Variants in ANKS6 observed in about 807,000 individuals in gnomAD.
ANKS6 encodes ankyrin repeat and SAM domain-containing protein 6.
In ANKS6, 47 loss-of-function variants were observed where a neutral mutation model predicts 77.9. That is an observed-to-expected ratio of 0.60 (90% CI 0.48 to 0.77). The LOEUF is 0.77. Ranked by LOEUF, ANKS6 falls within the 30% of genes least tolerant of loss-of-function variation. ANKS6 has a pLI of 0.00. For synonymous variants in ANKS6, 488 were observed against 501.7 expected, an observed-to-expected ratio of 0.97 and a Z score of 0.37; for missense variants, 1,150 against 1,159.1, an observed-to-expected ratio of 0.99 and a Z score of 0.11.
rs1683788172 is a variant in ANKS6, at chr9:98,777,412, G to A, written c.1610C>T (p.Thr537Ile). 1 of 1,614,066 alleles carries A rather than the reference G, an allele frequency of 6.2e-7. No individual in the cohort carries two copies. The highest frequency in any genetic ancestry group is 8.5e-7 in the Non-Finnish European group (1 of 1,180,054). Residue 537 changes from threonine to isoleucine, a missense_variant, in exon 8 of 15, where the codon ACA (threonine) becomes ATA (isoleucine). Coordinates refer to ENST00000353234, the MANE Select transcript of ANKS6 (RefSeq NM_173551.5). ...GAAAAGCCCCACACTCACCATGGTT[G>A]TCAATAACGTGTCTTCCTTTTCTCC... ...TRGEKEDTLL[T>I]TMLRNGAPLT... is the part of the protein sequence containing the mutation.
intron 14 of ANKS6, among the ~76,000 whole-genome samples, chr9:98,738,580 A>T (rs1213776710): frequency 7.3e-5 from 11 of 149,864 alleles, no homozygotes; most frequent in Non-Finnish European, 1.2e-4. Context: ...AAAAAATAAA[A>T]TAAAAAAAAA....
Position 98,784,116 on chromosome 9 carries a change from T to C in ANKS6, c.949A>G (p.Ser317Gly). 1 of 1,569,172 alleles carries C rather than the reference T, an allele frequency of 6.4e-7. No individual in the cohort carries two copies. The highest frequency in any genetic ancestry group is 8.7e-7 in the Non-Finnish European group (1 of 1,152,444). ...LVKEIADEDPSHVNLVNGDGA... is the reference protein window; with the variant it reads ...LVKEIADEDPGHVNLVNGDGA... ...TCCCCATTGACCAAGTTCACGTGGC[T>C]GGGGTCTTCATCGGCAATCTCTTTG... Residue 317 changes from serine to glycine, a missense_variant, in exon 4 of 15, where the codon AGC becomes GGC. Coordinates refer to ENST00000353234, the MANE Select transcript of ANKS6 (RefSeq NM_173551.5).
intron 14 of ANKS6, among the ~76,000 whole-genome samples, chr9:98,739,138 T>G (rs1588314101): frequency 1.8e-4 from 23 of 127,416 alleles, no homozygotes; most frequent in African/African-American, 3.0e-4. Context: ...GGGAAGGGGG[T>G]GAGGGACAAA....
At position 98,796,475 on chromosome 9, in the gene ANKS6, A is replaced by G; in HGVS notation, c.17T>C (p.Leu6Pro). 1.0e-6 allele frequency: 1 copy of G among 991,680 alleles called. No individual in the cohort carries two copies. Among genetic ancestry groups the G allele is most frequent in the South Asian group, 4.5e-5 (1 of 22,224 alleles). The allele number at this position is 991,680 out of a possible 1,614,324, so 61.4% of individuals were successfully genotyped here. The change falls in exon 1 of 15, where the codon CTG (leucine) becomes CCG (proline). Residue 6 changes from leucine (L) to proline (P), a missense_variant. Transcript: ENST00000353234. The stretch of plus-strand genomic sequence containing the variant: ...CAGCAGCAGCTGGAAGGCCGGGGGC[A>G]GCCCGCCCTCGCCCATCGCCGCCGC... MGEGG[L>P]PPAFQLLLRA... is the part of the protein sequence containing the mutation.
At chr9:98,781,419 C>T (rs1372842415) in intron 5 of ANKS6, among the ~76,000 whole-genome samples, 1 of 152,136 alleles carries the variant, frequency 6.6e-6, no homozygotes, top group Non-Finnish European at 1.5e-5. Context: ...AGAGTGGCTG[C>T]GGACTGATTC....
intron 14 of ANKS6, among the ~76,000 whole-genome samples, chr9:98,742,729 G>T (rs1246254220): frequency 6.6e-6 from 1 of 150,598 alleles, no homozygotes; most frequent in African/African-American, 2.4e-5. Flanking sequence ...GGGCCTCTTG[G>T]TTGTGAGCTG....
At chr9:98,771,823 G>A (rs1344910924) in intron 9 of ANKS6, among the ~76,000 whole-genome samples, 1 of 152,114 alleles carries the variant, frequency 6.6e-6, no homozygotes, top group African/African-American at 2.4e-5. Context: ...CTCCCGTGTA[G>A]GGCAGGCTCC....
rs115591673 is a variant in ANKS6 at position 98,742,298 on chromosome 9, C to T, written c.2511+3261G>A. Among the ~76,000 whole-genome samples, 1,231 of 152,314 alleles carry T rather than the reference C, an allele frequency of 8.1e-3. 18 individuals carry two copies. The highest frequency in any genetic ancestry group is 0.028 in the African/African-American group (1,160 of 41,566). The stretch of plus-strand genomic sequence containing the variant: ...CCTTGATGTCAAGGTCAGGCAAGTC[C>T]AGTCTAGAATAGCCAAGGCCCAGAG... On this transcript the variant is annotated intron_variant, in intron 14 of 14. Transcript: ENST00000353234.
chr9:98,761,400 G>C (rs1832999989), intron 11 of ANKS6, among the ~76,000 whole-genome samples: 1 of 152,168 alleles, frequency 6.6e-6, no homozygotes. Flanking sequence ...CTCCCGAGTA[G>C]TTGGGACCAC....
chr9:98,740,429 G>A (rs1010107879), intron 14 of ANKS6, among the ~76,000 whole-genome samples: 2 of 152,202 alleles, frequency 1.3e-5, no homozygotes, highest in African/African-American at 4.8e-5. Flanking sequence ...CGCCAGGATC[G>A]CAGGCCCGCC....
Position 98,790,086 on chromosome 9 carries a change from G to C in ANKS6, c.862+18C>G. The C allele has an allele frequency of 6.5e-7, 1 of 1,538,730 alleles. No individual in the cohort carries two copies. The highest frequency in any genetic ancestry group is 8.8e-7 in the Non-Finnish European group (1 of 1,136,806). ...ATTTGGGGTCCTCTGTGAAGCCACG[G>C]GGGGCATGCAGCCTGACCTGTTTTG... On this transcript the variant is annotated intron_variant, in intron 2 of 14. Transcript: ENST00000353234.
intron 12 of ANKS6, 61 bp downstream of exon 12, chr9:98,756,359 T>C: frequency 6.4e-7 from 1 of 1,562,490 alleles, no homozygotes. Flanking sequence ...TTGCAGTTCC[T>C]TGCTGCCAGG....
rs1002415139 is a variant in ANKS6 at position 98,790,688 on chromosome 9, T to G, written c.360-82A>C. On this transcript the variant is annotated intron_variant, in intron 1 of 14. Transcript: ENST00000353234. ...TATGTCATCCTTAATTGGCATGAAT[T>G]ATTAGTCCTGACAGCTGCTCATGAT... is the stretch of plus-strand genomic sequence containing the variant. 3 of 1,512,378 alleles carry G rather than the reference T, an allele frequency of 2.0e-6. No individual in the cohort carries two copies. In the African/African-American group the frequency reaches 4.1e-5, roughly 21 times the overall value. The allele number at this position is 1,512,378 out of a possible 1,614,324, so 93.7% of individuals were successfully genotyped here.
At position 98,790,205 on chromosome 9, in the gene ANKS6, A is replaced by T; in HGVS notation, c.761T>A (p.Leu254His). Residue 254 changes from leucine (L) to histidine (H), a missense_variant, in exon 2 of 15, where the codon CTC becomes CAC. Coordinates refer to ENST00000353234, the MANE Select transcript of ANKS6 (RefSeq NM_173551.5). ...GAAGGCGGTCTTCTCCAGCACGCTG[A>T]GGTGGTCAGGGTTGGCGCCCTTCTC... Reference protein sequence around the residue: ...LVEKGANPDHLSVLEKTAFEV... With the variant: ...LVEKGANPDHHSVLEKTAFEV... The T allele has an allele frequency of 6.2e-7, 1 of 1,606,320 alleles. No homozygotes were observed. Among genetic ancestry groups the T allele is most frequent in the Non-Finnish European group, 8.5e-7 (1 of 1,173,822 alleles).
Position 98,737,890 on chromosome 9 carries a change from T to C in ANKS6, c.2512-1267A>G, listed in dbSNP as rs1011048325. 2.0e-5 allele frequency among the ~76,000 whole-genome samples: 3 copies of C among 152,174 alleles called. No homozygotes were observed. In the East Asian group the frequency reaches 5.8e-4, roughly 29 times the overall value. On this transcript the variant is annotated intron_variant, in intron 14 of 14. Coordinates refer to ENST00000353234, the MANE Select transcript of ANKS6 (RefSeq NM_173551.5). ...GGTACTGGTATAAAAAATAGGCACATAGACCAACGGAACAGAATAGAGAAC... is the reference window on the plus strand; with the variant it reads ...GGTACTGGTATAAAAAATAGGCACACAGACCAACGGAACAGAATAGAGAAC...
chr9:98,794,886 A>G (rs899595433), intron 1 of ANKS6, among the ~76,000 whole-genome samples: 1 of 152,030 alleles, frequency 6.6e-6, no homozygotes, highest in African/African-American at 2.4e-5. Flanking sequence ...CTAAATCACA[A>G]TCTCCAGAAA....
At chr9:98,787,740 A>C (rs143647689) in intron 2 of ANKS6, among the ~76,000 whole-genome samples, 275 of 152,332 alleles carry the variant, frequency 1.8e-3, no homozygotes, top group Non-Finnish European at 3.1e-3. Context: ...CTTATGAAAA[A>C]AGACACTGTA....
chr9:98,789,560 G>A (rs1484049290), intron 2 of ANKS6, among the ~76,000 whole-genome samples: 2 of 152,120 alleles, frequency 1.3e-5, no homozygotes, highest in African/African-American at 2.4e-5. Flanking sequence ...TAGAACAAGG[G>A]CTGGCAAACT....
intron 1 of ANKS6, among the ~76,000 whole-genome samples, chr9:98,795,482 G>A (rs1309019010): frequency 1.3e-5 from 2 of 152,038 alleles, no homozygotes; most frequent in Non-Finnish European, 2.9e-5. Flanking sequence ...GGGAGGACTA[G>A]TACATCATTC....
Sources: gnomAD v4.1 joint callset for allele counts (sites outside exome capture counted in the v4.1 genomes callset) on GRCh38, gnomAD v4.1.1 for gene constraint, MANE v1.5 for transcripts, NCBI Gene and HGNC (gene_info 2026-07-23, HGNC 2026-07-21) for gene names.